The following GRID2 variants were observed in gnomAD, a reference collection of about 807,000 sequenced individuals.
The protein encoded by GRID2 is glutamate receptor ionotropic, delta-2.
A neutral mutation model predicts 114.8 loss-of-function variants in GRID2; 33 were observed. The ratio of observed to expected loss-of-function variants is 0.29; its 90% confidence interval spans 0.22 to 0.38. The LOEUF (loss-of-function observed/expected upper bound fraction) is 0.38, where lower values mean the gene tolerates loss of function less well. Ranked by LOEUF, GRID2 falls within the 10% of genes least tolerant of loss-of-function variation. The probability of loss-of-function intolerance (pLI) is 1.00; values close to 1 mark genes in which losing one functional copy is unlikely to be tolerated. For missense variants in GRID2, 1,184 were observed against 1,257.7 expected (o/e 0.94, Z 0.89); for synonymous variants, 505 against 449.9 (o/e 1.12, Z -1.55).
chr4:93,772,049 C>T lies in GRID2; in HGVS notation c.2602-27C>T, dbSNP rs767749346. 7 of 1,460,960 alleles carry T rather than the reference C, an allele frequency of 4.8e-6. No homozygotes were observed. The Admixed American group carries it at 1.0e-4, about 21-fold the overall frequency. The allele number at this position is 1,460,960 out of a possible 1,614,324, so 90.5% of individuals were successfully genotyped here. A position where few individuals can be genotyped will look rare whatever the true frequency, so the allele number is the denominator to read the frequency against. On this transcript the variant is annotated intron_variant, in intron 15 of 15. Transcript: ENST00000282020. ...CCATCAAAGCTAGTACTGATGAGAA[C>T]CTTATTTTCTTTTTCTTCATCTCCA...
intron 4 of GRID2, among the ~76,000 whole-genome samples, chr4:93,162,420 AT>A (rs920090016): frequency 7.2e-5 from 11 of 151,962 alleles, no homozygotes; most frequent in Non-Finnish European, 4.4e-5. Flanking sequence ...GTTTCTTCAA[AT>A]TGTTGAGATT....
chr4:92,990,516 C>T (rs200264778), intron 2 of GRID2, among the ~76,000 whole-genome samples: 2 of 151,590 alleles, frequency 1.3e-5, no homozygotes, highest in Admixed American at 6.6e-5. Context: ...GGATTCATCA[C>T]GTTAGCCAGG....
intron 4 of GRID2, among the ~76,000 whole-genome samples, chr4:93,183,162 A>C (rs928398932): frequency 2.0e-5 from 3 of 152,176 alleles, no homozygotes; most frequent in African/African-American, 7.2e-5. Flanking sequence ...CTACATAAAC[A>C]CATAATATCT....
In GRID2 at chr4:93,111,049, G is replaced by A. The variant is rs1465128038; in HGVS notation, c.735+96G>A. ...GAGATGAAAATTAAGAGCAGTGCGA[G>A]GGAATTAACTACACAATTCTTGTTA... On this transcript the variant is annotated intron_variant, in intron 4 of 15. Transcript: ENST00000282020. 13 of 758,020 alleles carry A rather than the reference G, an allele frequency of 1.7e-5. No individual in the cohort carries two copies. The East Asian group carries it at 3.0e-4, about 17-fold the overall frequency. The allele number at this position is 758,020 out of a possible 1,614,324, so 47.0% of individuals were successfully genotyped here. A position where few individuals can be genotyped will look rare whatever the true frequency, so the allele number is the denominator to read the frequency against.
intron 13 of GRID2, among the ~76,000 whole-genome samples, chr4:93,547,706 C>T (rs757192225): frequency 3.9e-5 from 6 of 152,140 alleles, no homozygotes; most frequent in Non-Finnish European, 7.3e-5. Flanking sequence ...ACTCTTACAT[C>T]CAGAAAGTGG....
At chr4:93,324,551 A>T (rs532117352) in intron 8 of GRID2, among the ~76,000 whole-genome samples, 1 of 152,324 alleles carries the variant, frequency 6.6e-6, no homozygotes, top group African/African-American at 2.4e-5. Flanking sequence ...CTGGCCTCAT[A>T]AAATGAGTTA....
At chr4:92,811,444 CA>C (rs1270284858) in intron 2 of GRID2, among the ~76,000 whole-genome samples, 1 of 151,980 alleles carries the variant, frequency 6.6e-6, no homozygotes, top group Non-Finnish European at 1.5e-5. Flanking sequence ...TGCATTAAAA[CA>C]AAATGTGAGG....
At chr4:92,572,866 AT>A (rs111893282) in intron 1 of GRID2, among the ~76,000 whole-genome samples, 17,352 of 149,798 alleles carry the variant, frequency 0.12, 1,419 homozygotes, top group African/African-American at 0.23. Context: ...CTTCTTTTTC[AT>A]TTTTTTTTGG....
At chr4:92,396,401 T>C (rs1282927900) in intron 1 of GRID2, among the ~76,000 whole-genome samples, 1 of 152,008 alleles carries the variant, frequency 6.6e-6, no homozygotes, top group Non-Finnish European at 1.5e-5. Flanking sequence ...GATTGCTTTT[T>C]GTAAGTACCT....
At chr4:92,887,289 G>A (rs569437589) in intron 2 of GRID2, among the ~76,000 whole-genome samples, 2 of 152,294 alleles carry the variant, frequency 1.3e-5, no homozygotes, top group South Asian at 4.1e-4. Context: ...CCTGATTACT[G>A]GGTTTATTTT....
chr4:92,578,744 C>CTATCTATCTATT (rs1728030018), intron 1 of GRID2, among the ~76,000 whole-genome samples: 1 of 151,756 alleles, frequency 6.6e-6, no homozygotes, highest in Non-Finnish European at 1.5e-5. Context: ...ATCTATCTAT[C>CTATCTATCTATT]TATCTATCTA....
intron 8 of GRID2, among the ~76,000 whole-genome samples, chr4:93,273,305 C>A (rs971521045): frequency 2.0e-5 from 3 of 152,160 alleles, no homozygotes; most frequent in Admixed American, 6.6e-5. Context: ...TCCCAGATCT[C>A]TTTCTCTTAT....
At position 93,773,904 on chromosome 4, in the gene GRID2, C is replaced by T. The variant is rs1196037938; in HGVS notation, c.*1406C>T. ...AAAACAGTGCCTCTTTGTGCACAAT[C>T]CTTTTAAAGTAGCATTCTTACTTGT... On this transcript the variant is annotated 3_prime_UTR_variant, in exon 16 of 16. Coordinates refer to ENST00000282020, the MANE Select transcript of GRID2 (RefSeq NM_001510.4). 6.6e-6 allele frequency: 1 copy of T among 151,996 alleles called. No homozygotes were observed. Among genetic ancestry groups the T allele is most frequent in the Non-Finnish European group, 1.5e-5 (1 of 67,954 alleles). 9.4% of individuals were successfully genotyped at this position (151,996 alleles called of 1,614,324 possible).
chr4:93,207,322 T>C, intron 4 of GRID2, 82 bp from the exon 5 acceptor site: 2 of 934,454 alleles, frequency 2.1e-6, no homozygotes, highest in African/African-American at 3.2e-5. Flanking sequence ...TCATTTTTTG[T>C]CATTTGCAAA....
intron 2 of GRID2, among the ~76,000 whole-genome samples, chr4:92,777,195 T>C (rs888170931): frequency 6.6e-6 from 1 of 151,958 alleles, no homozygotes; most frequent in Admixed American, 6.6e-5. Context: ...TCTGTGGTTC[T>C]AAGCATGTAT....
chr4:93,341,418 G>A (rs893747659), intron 8 of GRID2, among the ~76,000 whole-genome samples: 3 of 151,952 alleles, frequency 2.0e-5, no homozygotes, highest in African/African-American at 7.3e-5. Flanking sequence ...TCCACCTCCT[G>A]GGTACAAGCA....
intron 1 of GRID2, among the ~76,000 whole-genome samples, chr4:92,449,711 A>ATATATATAT (rs1466326075): frequency 2.7e-3 from 350 of 129,940 alleles, no homozygotes; most frequent in Middle Eastern, 4.2e-3. Flanking sequence ...ATATATATAT[A>ATATATATAT]ACACTTAAGC....
chr4:93,682,330 GTGGGAC>G (rs1166312376), intron 14 of GRID2, among the ~76,000 whole-genome samples: 1 of 151,230 alleles, frequency 6.6e-6, no homozygotes, highest in Non-Finnish European at 1.5e-5. Flanking sequence ...TACACTGTTG[GTGGGAC>G]TGTCAACTAG....
At chr4:92,790,757 C>T (rs545332628) in intron 2 of GRID2, among the ~76,000 whole-genome samples, 13 of 148,376 alleles carry the variant, frequency 8.8e-5, no homozygotes, top group Non-Finnish European at 1.9e-4. Context: ...TTTAAAATAA[C>T]CTTTCTCCTC....
Sources: gnomAD v4.1 joint callset for allele counts (sites outside exome capture counted in the v4.1 genomes callset) on GRCh38, gnomAD v4.1.1 for gene constraint, MANE v1.5 for transcripts, NCBI Gene and HGNC (gene_info 2026-07-23, HGNC 2026-07-21) for gene names.